Variants in GBE1 observed in about 807,000 individuals in gnomAD.
GBE1 encodes the protein 1,4-alpha-glucan-branching enzyme.
Under a neutral mutation model 88.8 loss-of-function variants are expected in GBE1, and 70 were observed. The observed-to-expected ratio is 0.79, with a 90% CI of 0.65 to 0.96. The LOEUF is 0.96. Among genes scored for constraint, GBE1 ranks in the 40% least tolerant of loss-of-function variants. GBE1 has a pLI of 0.00. For missense variants in GBE1, 872 were observed against 871.0 expected (o/e 1.00, Z -0.01); for synonymous variants, 284 against 300.1 (o/e 0.95, Z 0.56).
chr3:81,499,878 A>G (rs1317537404), intron 14 of GBE1, among the ~76,000 whole-genome samples: 1 of 152,174 alleles, frequency 6.6e-6, no homozygotes, highest in Non-Finnish European at 1.5e-5. Flanking sequence ...TAGGCTCAAA[A>G]TGTCTAGAAA....
intron 12 of GBE1, among the ~76,000 whole-genome samples, chr3:81,555,722 A>G (rs1232153182): frequency 6.6e-6 from 1 of 152,128 alleles, no homozygotes; most frequent in East Asian, 1.9e-4. Flanking sequence ...TGACTTGCAA[A>G]GCCTGATTTT....
intron 6 of GBE1, among the ~76,000 whole-genome samples, chr3:81,643,535 G>T (rs1294906535): frequency 6.6e-6 from 1 of 152,144 alleles, no homozygotes; most frequent in Non-Finnish European, 1.5e-5. Context: ...GTGTGTTTGT[G>T]TCAAAGGTAC....
At chr3:81,593,538 A>G (rs1703910043) in intron 8 of GBE1, among the ~76,000 whole-genome samples, 1 of 151,962 alleles carries the variant, frequency 6.6e-6, no homozygotes, top group African/African-American at 2.4e-5. Context: ...ATCTGCAATT[A>G]AAATACATAT....
intron 1 of GBE1, among the ~76,000 whole-genome samples, chr3:81,750,603 G>A (rs71626868): frequency 0.029 from 1,099 of 38,176 alleles, 102 homozygotes; most frequent in East Asian, 0.073. Flanking sequence ...ATATATATGT[G>A]TATATATATA....
chr3:81,600,277 TA>T (rs1262724938), intron 7 of GBE1, among the ~76,000 whole-genome samples: 1 of 151,948 alleles, frequency 6.6e-6, no homozygotes, highest in Admixed American at 6.6e-5. Context: ...AATAAATAAA[TA>T]AATAAATAAA....
intron 12 of GBE1, among the ~76,000 whole-genome samples, chr3:81,575,068 G>A (rs1703626772): frequency 1.3e-5 from 2 of 151,786 alleles, no homozygotes; most frequent in Admixed American, 1.3e-4. Context: ...GGGAGGCTGA[G>A]GCAGGAGAAT....
intron 15 of GBE1, among the ~76,000 whole-genome samples, chr3:81,498,069 A>G (rs900075694): frequency 1.3e-5 from 2 of 152,120 alleles, no homozygotes; most frequent in African/African-American, 2.4e-5. Flanking sequence ...TTAGGGCAAC[A>G]CCTAATTCTC....
intron 12 of GBE1, among the ~76,000 whole-genome samples, chr3:81,552,552 C>T (rs1703286510): frequency 7.3e-6 from 1 of 136,864 alleles, no homozygotes; most frequent in Non-Finnish European, 1.6e-5. Context: ...AAAAAGAAGG[C>T]TGTCAAAATA....
intron 1 of GBE1, among the ~76,000 whole-genome samples, chr3:81,720,967 C>T (rs1275420253): frequency 2.6e-5 from 3 of 116,270 alleles, no homozygotes; most frequent in African/African-American, 7.1e-5. Flanking sequence ...AACCAAACAC[C>T]GCATATTCTC....
chr3:81,496,278 A>G (rs1362860848), intron 15 of GBE1, among the ~76,000 whole-genome samples: 2 of 152,214 alleles, frequency 1.3e-5, no homozygotes, highest in Non-Finnish European at 2.9e-5. Flanking sequence ...ACATGCAGTT[A>G]TCCCCAGCTT....
At chr3:81,578,550 AAT>A (rs1387089486) in intron 11 of GBE1, among the ~76,000 whole-genome samples, 3 of 151,362 alleles carry the variant, frequency 2.0e-5, no homozygotes, top group African/African-American at 4.8e-5. Flanking sequence ...TGAGTAATAT[AAT>A]ATGTGTATAA....
intron 1 of GBE1, among the ~76,000 whole-genome samples, chr3:81,708,877 G>A (rs1705812899): frequency 6.6e-6 from 1 of 152,030 alleles, no homozygotes; most frequent in Admixed American, 6.6e-5. Flanking sequence ...AATCTTGCCC[G>A]AAATAATCCC....
intron 3 of GBE1, among the ~76,000 whole-genome samples, chr3:81,669,641 C>T (rs1705161610): frequency 6.6e-6 from 1 of 151,588 alleles, no homozygotes; most frequent in South Asian, 2.1e-4. Context: ...AAAACACACA[C>T]ACACACAGCA....
chr3:81,746,182 A>C (rs1419132338), intron 1 of GBE1, among the ~76,000 whole-genome samples: 1 of 152,216 alleles, frequency 6.6e-6, no homozygotes, highest in Non-Finnish European at 1.5e-5. Context: ...AATGTATATA[A>C]ATAAAGGCAA....
At position 81,715,000 on chromosome 3, in the gene GBE1, C is replaced by T. The variant is rs79927373; in HGVS notation, c.144-9387G>A. 4.0e-3 allele frequency among the ~76,000 whole-genome samples: 609 copies of T among 152,274 alleles called. 11 individuals are homozygous for T. The highest frequency in any genetic ancestry group is 0.03 in the Admixed American group (465 of 15,288). ...CAGGTACCATCTCCAAATATCATCACATGATGGATCAGAGTTTCAACATTT... is the reference window on the plus strand; with the variant it reads ...CAGGTACCATCTCCAAATATCATCATATGATGGATCAGAGTTTCAACATTT... On this transcript the variant is annotated intron_variant, in intron 1 of 15. Coordinates refer to ENST00000429644, the MANE Select transcript of GBE1 (RefSeq NM_000158.4).
intron 1 of GBE1, among the ~76,000 whole-genome samples, chr3:81,723,409 G>C (rs1471372005): frequency 6.6e-6 from 1 of 151,440 alleles, no homozygotes; most frequent in Non-Finnish European, 1.5e-5. Flanking sequence ...CCAAATAAAA[G>C]TAATTTTTAA....
intron 14 of GBE1, among the ~76,000 whole-genome samples, chr3:81,521,262 G>A (rs1702870934): frequency 6.6e-6 from 1 of 151,528 alleles, no homozygotes; most frequent in African/African-American, 2.4e-5. Flanking sequence ...GGCTTCTTTA[G>A]AAAAGTTAAA....
chr3:81,607,473 C>T (rs1451120867), intron 7 of GBE1, among the ~76,000 whole-genome samples: 9 of 152,010 alleles, frequency 5.9e-5, no homozygotes, highest in African/African-American at 9.7e-5. Flanking sequence ...CACTTGAACT[C>T]GGGAGTCAGA....
At position 81,672,297 on chromosome 3, in the gene GBE1, A is replaced by C. The variant is rs1705200015; in HGVS notation, c.314-1344T>G. 2.0e-5 allele frequency among the ~76,000 whole-genome samples: 3 copies of C among 151,998 alleles called. No individual in the cohort carries two copies. In the South Asian group the frequency reaches 6.2e-4, roughly 31 times the overall value. ...TTCAGAGAAATTCTCCTAAATGTAC[A>C]CAAGAAGGCATTCAAAATTATTCCC... On this transcript the variant is annotated intron_variant, in intron 2 of 15. Coordinates refer to ENST00000429644, the MANE Select transcript of GBE1 (RefSeq NM_000158.4).
Sources: gnomAD v4.1 joint callset for allele counts (sites outside exome capture counted in the v4.1 genomes callset) on GRCh38, gnomAD v4.1.1 for gene constraint, MANE v1.5 for transcripts, NCBI Gene and HGNC (gene_info 2026-07-23, HGNC 2026-07-21) for gene names.